The following KCNQ3 variants were observed in gnomAD, a reference collection of about 807,000 sequenced individuals.
KCNQ3 encodes the protein potassium voltage-gated channel subfamily Q member 3, also known as potassium voltage-gated channel subfamily KQT member 3.
A neutral mutation model predicts 92.5 loss-of-function variants in KCNQ3; 30 were observed. The observed-to-expected ratio is 0.32, with a 90% CI of 0.24 to 0.44. The LOEUF is 0.44. Ranked by LOEUF, KCNQ3 falls within the 20% of genes least tolerant of loss-of-function variation. The probability of loss-of-function intolerance (pLI) is 1.00; values close to 1 mark genes in which losing one functional copy is unlikely to be tolerated. For synonymous variants in KCNQ3, 450 were observed against 468.8 expected, an observed-to-expected ratio of 0.96 and a Z score of 0.52; for missense variants, 913 against 1,140.3, an observed-to-expected ratio of 0.80 and a Z score of 2.87.
chr8:132,175,255 C>T (rs1398667481), intron 5 of KCNQ3, among the ~76,000 whole-genome samples, 198 bp downstream of exon 5: 2 of 152,236 alleles, frequency 1.3e-5, no homozygotes, highest in Admixed American at 1.3e-4. Context: ...CTTATAAACG[C>T]TAGAGAAAAG....
intron 1 of KCNQ3, among the ~76,000 whole-genome samples, chr8:132,376,081 T>C (rs1819600171): frequency 6.6e-6 from 1 of 152,178 alleles, no homozygotes; most frequent in African/African-American, 2.4e-5. Context: ...TTTTCTCTAA[T>C]TGAACTTGCC....
At chr8:132,321,236 C>G (rs1817884617) in intron 1 of KCNQ3, among the ~76,000 whole-genome samples, 1 of 152,168 alleles carries the variant, frequency 6.6e-6, no homozygotes, top group South Asian at 2.1e-4. Flanking sequence ...CCAAACCAAT[C>G]CCTCACCCAC....
intron 1 of KCNQ3, among the ~76,000 whole-genome samples, chr8:132,285,525 A>T (rs6992659): frequency 6.6e-6 from 1 of 152,032 alleles, no homozygotes; most frequent in Admixed American, 6.5e-5. Flanking sequence ...GTGCTCAGGC[A>T]GATGTATGGT....
At chr8:132,179,930 T>C (rs145513293) in intron 4 of KCNQ3, among the ~76,000 whole-genome samples, 1 of 152,296 alleles carries the variant, frequency 6.6e-6, no homozygotes, top group Non-Finnish European at 1.5e-5. Flanking sequence ...GTGGAGCCAA[T>C]ACCTAACCTC....
At chr8:132,211,268 CA>C (rs1813842916) in intron 1 of KCNQ3, among the ~76,000 whole-genome samples, 1 of 152,180 alleles carries the variant, frequency 6.6e-6, no homozygotes, top group Non-Finnish European at 1.5e-5. Context: ...AATTGTGCTT[CA>C]GTAGAAAACT....
At chr8:132,359,479 G>C (rs1366452354) in intron 1 of KCNQ3, among the ~76,000 whole-genome samples, 4 of 152,008 alleles carry the variant, frequency 2.6e-5, no homozygotes, top group Non-Finnish European at 4.4e-5. Flanking sequence ...TCCTCTGCTT[G>C]GGTCAAGCCA....
intron 1 of KCNQ3, among the ~76,000 whole-genome samples, chr8:132,241,648 A>C (rs1048143643): frequency 3.3e-5 from 5 of 152,170 alleles, no homozygotes; most frequent in African/African-American, 9.7e-5. Context: ...AGCCTAGTTA[A>C]CATGGTGAAA....
intron 1 of KCNQ3, among the ~76,000 whole-genome samples, chr8:132,282,346 C>T (rs894368925): frequency 1.3e-5 from 2 of 152,146 alleles, no homozygotes; most frequent in Non-Finnish European, 2.9e-5. Flanking sequence ...AGGTGAGAAA[C>T]TTCAGTCCAA....
At chr8:132,264,001 ATAG>A (rs1815885554) in intron 1 of KCNQ3, among the ~76,000 whole-genome samples, 1 of 152,166 alleles carries the variant, frequency 6.6e-6, no homozygotes, top group Non-Finnish European at 1.5e-5. Flanking sequence ...CAGCACCTTC[ATAG>A]TAGCTAATGT....
At chr8:132,282,260 G>A (rs1397074987) in intron 1 of KCNQ3, among the ~76,000 whole-genome samples, 1 of 152,172 alleles carries the variant, frequency 6.6e-6, no homozygotes, top group African/African-American at 2.4e-5. Flanking sequence ...ATGATCCTCT[G>A]AGAGTTTCTC....
Position 132,291,740 on chromosome 8 carries a change from T to C in KCNQ3, c.387-105559A>G, listed in dbSNP as rs139959117. Among the ~76,000 whole-genome samples, 205 of 152,296 alleles carry C rather than the reference T, an allele frequency of 1.3e-3. 2 individuals carry two copies. The highest frequency in any genetic ancestry group is 4.7e-3 in the African/African-American group (196 of 41,584). ...AGACCCCAGAGCCAAGGCCTCCAAATTGTTGGGGTGATCCATTCATTTATG... is the reference window on the plus strand; with the variant it reads ...AGACCCCAGAGCCAAGGCCTCCAAACTGTTGGGGTGATCCATTCATTTATG... On this transcript the variant is annotated intron_variant, in intron 1 of 14. Transcript: ENST00000388996.
At position 132,480,499 on chromosome 8, in the gene KCNQ3, C is replaced by T; in HGVS notation, c.34G>A (p.Ala12Thr). 2 of 1,137,538 alleles carry T rather than the reference C, an allele frequency of 1.8e-6. No homozygotes were observed. The highest frequency in any genetic ancestry group is 1.7e-5 in the African/African-American group (1 of 60,474). The allele number at this position is 1,137,538 out of a possible 1,614,324, so 70.5% of individuals were successfully genotyped here. ...CCGCCCCCGTCGCCGCCGCCGCCAG[C>T]CGCCCCCGCCGCCCTGCGCGCCTTG... ...GLKARRAAGA[A>T]GGGGDGGGGG... Residue 12 changes from alanine (A) to threonine (T), a missense_variant, in exon 1 of 15, where the codon GCT (alanine) becomes ACT (threonine). Ala to Thr is a moderately conservative substitution (Grantham distance 58). Coordinates refer to ENST00000388996, the MANE Select transcript of KCNQ3 (RefSeq NM_004519.4).
chr8:132,253,623 C>T (rs956680737), intron 1 of KCNQ3, among the ~76,000 whole-genome samples: 1 of 152,322 alleles, frequency 6.6e-6, no homozygotes, highest in Middle Eastern at 3.4e-3. Context: ...CCCTCTGCTT[C>T]GTTTTCCTCT....
At chr8:132,258,519 A>G (rs1815666701) in intron 1 of KCNQ3, among the ~76,000 whole-genome samples, 1 of 152,124 alleles carries the variant, frequency 6.6e-6, no homozygotes, top group Non-Finnish European at 1.5e-5. Flanking sequence ...AAGTGCTTAG[A>G]GAAAAATTTA....
chr8:132,213,321 G>A (rs747613565), intron 1 of KCNQ3, among the ~76,000 whole-genome samples: 3 of 152,138 alleles, frequency 2.0e-5, no homozygotes, highest in Non-Finnish European at 2.9e-5. Context: ...CACTGACCAA[G>A]GTGCCGCTCT....
chr8:132,150,268 A>G (rs1375675621), intron 9 of KCNQ3, among the ~76,000 whole-genome samples: 1 of 152,112 alleles, frequency 6.6e-6, no homozygotes, highest in East Asian at 1.9e-4. Flanking sequence ...CTTGATTTAC[A>G]TCCTTGAGGG....
At chr8:132,153,867 C>A (rs1825712480) in intron 9 of KCNQ3, among the ~76,000 whole-genome samples, 1 of 152,070 alleles carries the variant, frequency 6.6e-6, no homozygotes, top group African/African-American at 2.4e-5. Context: ...CTTATGTACC[C>A]TAGGTATTTG....
intron 1 of KCNQ3, among the ~76,000 whole-genome samples, chr8:132,366,816 G>A (rs1297706934): frequency 6.6e-6 from 1 of 152,050 alleles, no homozygotes; most frequent in African/African-American, 2.4e-5. Flanking sequence ...TTTGATCATG[G>A]AATATTCTTT....
intron 1 of KCNQ3, among the ~76,000 whole-genome samples, chr8:132,204,510 C>T (rs1157303193): frequency 1.3e-5 from 2 of 152,232 alleles, no homozygotes; most frequent in African/African-American, 2.4e-5. Flanking sequence ...CTCTGCCTAA[C>T]TCCTGGCCTT....
Sources: allele counts gnomAD v4.1 joint callset (sites outside exome capture counted in the v4.1 genomes callset), GRCh38; gene constraint gnomAD v4.1.1; transcripts MANE v1.5; gene names NCBI Gene and HGNC (gene_info 2026-07-23, HGNC 2026-07-21).